The following PTPA variants were observed in gnomAD, a reference collection of about 807,000 sequenced individuals.
The protein encoded by PTPA is serine/threonine-protein phosphatase 2A activator.
In PTPA, 13 loss-of-function variants were observed where a neutral mutation model predicts 43.6. That is an observed-to-expected ratio of 0.30 (90% CI 0.19 to 0.47). The LOEUF (loss-of-function observed/expected upper bound fraction) is 0.47. Ranked by LOEUF, PTPA falls within the 20% of genes least tolerant of loss-of-function variation. The pLI is 0.99. For synonymous variants in PTPA, 172 were observed against 158.2 expected (o/e 1.09, Z -0.66); for missense variants, 329 against 411.9 (o/e 0.80, Z 1.74).
chr9:129,121,621 G>A (rs1418661516), intron 2 of PTPA, among the ~76,000 whole-genome samples: 1 of 152,224 alleles, frequency 6.6e-6, no homozygotes, highest in Non-Finnish European at 1.5e-5. Flanking sequence ...AGGCCGTCCT[G>A]TGCCATGTAG....
Position 129,111,641 on chromosome 9 carries a change from G to C in PTPA, c.31+10G>C. 2 of 1,280,304 alleles carry C rather than the reference G, an allele frequency of 1.6e-6. No individual in the cohort carries two copies. The highest frequency in any genetic ancestry group is 2.8e-5 in the South Asian group (1 of 35,436). The allele number at this position is 1,280,304 out of a possible 1,614,324, so 79.3% of individuals were successfully genotyped here. A position where few individuals can be genotyped will look rare whatever the true frequency, so the allele number is the denominator to read the frequency against. On this transcript the variant is annotated intron_variant, in intron 1 of 9. Transcript: ENST00000393370. ...CGGCAGCCGCCGCCAGGTAAGGCCG[G>C]CGGGGCCAGGCCGGGCCGGGGTCGG... is the stretch of plus-strand genomic sequence containing the variant.
chr9:129,142,868 G>A (rs1477443617), intron 9 of PTPA: 20 of 1,518,042 alleles, frequency 1.3e-5, no homozygotes, highest in Non-Finnish European at 1.8e-5. Context: ...TTTATCAAGT[G>A]GCCAAAGGCT....
intron 2 of PTPA, 29 bp downstream of exon 2, chr9:129,120,639 TG>T: frequency 1.3e-6 from 2 of 1,584,988 alleles, no homozygotes; most frequent in Non-Finnish European, 1.7e-6. Context: ...GTGAGAAACT[TG>T]GGCTTTTCAA....
In PTPA at chr9:129,129,020, G is replaced by A. The variant is rs1211802662; in HGVS notation, c.252G>A (p.Leu84=). 1 of 1,613,074 alleles carries A rather than the reference G, an allele frequency of 6.2e-7. No homozygotes were observed. The highest frequency in any genetic ancestry group is 8.5e-7 in the Non-Finnish European group (1 of 1,179,974). Residue 84 remains leucine (L), a synonymous_variant, in exon 4 of 10, where the codon CTG becomes CTA. Transcript: ENST00000393370. ...AACTAGTCGCTCTTCTCAACACGCTGGACAGGTGGATTGATGAGACTCCTC... is the reference window on the plus strand; with the variant it reads ...AACTAGTCGCTCTTCTCAACACGCTAGACAGGTGGATTGATGAGACTCCTC... ...IEKLVALLNT[L]DRWIDETPPV...
At chr9:129,118,313 A>G (rs922718202) in intron 1 of PTPA, among the ~76,000 whole-genome samples, 1 of 152,042 alleles carries the variant, frequency 6.6e-6, no homozygotes, top group Non-Finnish European at 1.5e-5. Flanking sequence ...TGGCCTCCCA[A>G]AGTGCTGGGA....
chr9:129,130,204 G>A (rs1849866151), intron 4 of PTPA, among the ~76,000 whole-genome samples: 1 of 152,204 alleles, frequency 6.6e-6, no homozygotes, highest in Non-Finnish European at 1.5e-5. Flanking sequence ...ACAGGTCTGG[G>A]TAGGGACTGG....
At chr9:129,126,294 A>G (rs953352402) in intron 3 of PTPA, among the ~76,000 whole-genome samples, 1 of 151,838 alleles carries the variant, frequency 6.6e-6, no homozygotes, top group African/African-American at 2.4e-5. Flanking sequence ...CCCGGGTTCA[A>G]ACGATTCTCC....
At chr9:129,132,094 A>G (rs567141586) in intron 5 of PTPA, among the ~76,000 whole-genome samples, 39 of 152,120 alleles carry the variant, frequency 2.6e-4, no homozygotes, top group African/African-American at 8.9e-4. Flanking sequence ...TCTCTGTGCT[A>G]TTGGGCTGTT....
In PTPA at chr9:129,143,317, A is replaced by G. The variant is rs1851034230; in HGVS notation, c.894+765A>G. 7.1e-6 allele frequency: 5 copies of G among 702,928 alleles called. No homozygotes were observed. The Admixed American group carries it at 8.0e-5, about 11-fold the overall frequency. 43.5% of individuals were successfully genotyped at this position (702,928 alleles called of 1,614,324 possible). On this transcript the variant is annotated intron_variant, in intron 9 of 9. Coordinates refer to ENST00000393370, the MANE Select transcript of PTPA (RefSeq NM_178000.3). ...TTGACCTTGGCCAGGGAAGGGCTGG[A>G]TGTGAAGTTCCACACCTGGAGTGAT...
Position 129,124,499 on chromosome 9 carries a change from AT to A in PTPA, c.216+1371del, listed in dbSNP as rs575281908. 3.9e-4 allele frequency among the ~76,000 whole-genome samples: 57 copies of A among 147,962 alleles called. 1 individual carries two copies. In the South Asian group the frequency reaches 7.1e-3, roughly 18 times the overall value. The stretch of plus-strand genomic sequence containing the variant: ...AAATGTGGAGTCAAAGGGCACATGC[AT>A]TTTTTTTTTGCGTTTGGGTTCACAC... On this transcript the variant is annotated intron_variant, in intron 3 of 9. Coordinates refer to ENST00000393370, the MANE Select transcript of PTPA (RefSeq NM_178000.3).
intron 9 of PTPA, among the ~76,000 whole-genome samples, chr9:129,146,111 T>C (rs1315858888): frequency 1.3e-5 from 1 of 74,214 alleles, no homozygotes; most frequent in East Asian, 4.6e-4. Context: ...CCTTGGGGGG[T>C]GGGGGGGCTC....
intron 2 of PTPA, among the ~76,000 whole-genome samples, chr9:129,121,077 G>A (rs1192050125): frequency 6.6e-6 from 1 of 152,216 alleles, no homozygotes; most frequent in Non-Finnish European, 1.5e-5. Flanking sequence ...GCACAGACTG[G>A]CTTTCTCTGC....
At chr9:129,113,642 C>A (rs1418792150) in intron 1 of PTPA, among the ~76,000 whole-genome samples, 6 of 135,072 alleles carry the variant, frequency 4.4e-5, no homozygotes, top group African/African-American at 3.9e-5. Flanking sequence ...TGGTGGCACA[C>A]GTCTGTAATC....
In PTPA at chr9:129,144,535, G is replaced by T. The variant is rs570277494; in HGVS notation, c.894+1983G>T. ...GGGCGGATCACGAGGTCAGGAGATC[G>T]AGACCATCCTGGCTAACACAGTGAA... On this transcript the variant is annotated intron_variant, in intron 9 of 9. Coordinates refer to ENST00000393370, the MANE Select transcript of PTPA (RefSeq NM_178000.3). Among the ~76,000 whole-genome samples, 5 of 151,336 alleles carry T rather than the reference G, an allele frequency of 3.3e-5. No homozygotes were observed. The East Asian group carries it at 9.8e-4, about 30-fold the overall frequency.
Position 129,137,820 on chromosome 9 carries a change from G to T in PTPA, c.786+128G>T, listed in dbSNP as rs777401894. ...AAAATGGCAGGGCCGGCCGGAGCGG[G>T]TTATTGAAAAGGAAGCACCACTGGG... On this transcript the variant is annotated intron_variant, in intron 8 of 9. Coordinates refer to ENST00000393370, the MANE Select transcript of PTPA (RefSeq NM_178000.3). 7.3e-5 allele frequency: 65 copies of T among 894,048 alleles called. No individual in the cohort carries two copies. The South Asian group carries it at 8.0e-4, about 11-fold the overall frequency. 55.4% of individuals were successfully genotyped at this position (894,048 alleles called of 1,614,324 possible).
chr9:129,123,263 G>GGAGATCGA, intron 3 of PTPA, 125 bp downstream of exon 3: 1 of 706,842 alleles, frequency 1.4e-6, no homozygotes, highest in Non-Finnish European at 2.4e-6. Context: ...CACGAGGTCA[G>GGAGATCGA]GAGATCGAGA....
chr9:129,142,575 GCCCGT>G, intron 9 of PTPA, 23 bp downstream of exon 9: 1 of 1,613,638 alleles, frequency 6.2e-7, no homozygotes, highest in Non-Finnish European at 8.5e-7. Context: ...TGGCCAGTGT[GCCCGT>G]CCCTGCTGCC....
At chr9:129,111,901 C>T in intron 1 of PTPA, 2 of 805,824 alleles carry the variant, frequency 2.5e-6, no homozygotes, top group Non-Finnish European at 3.3e-6. Context: ...GCTGGGTGGG[C>T]AGCGCCGTGG....
At chr9:129,112,628 C>T (rs941421882) in intron 1 of PTPA, among the ~76,000 whole-genome samples, 1 of 152,186 alleles carries the variant, frequency 6.6e-6, no homozygotes. Flanking sequence ...TACAAAACCT[C>T]TGGGTGTGTG....
Sources: allele counts gnomAD v4.1 joint callset (sites outside exome capture counted in the v4.1 genomes callset), GRCh38; gene constraint gnomAD v4.1.1; transcripts MANE v1.5; gene names NCBI Gene and HGNC (gene_info 2026-07-23, HGNC 2026-07-21).